Variants in USP37 observed in about 807,000 individuals in gnomAD.
USP37 encodes ubiquitin specific peptidase 37.
In USP37, 27 loss-of-function variants were observed where a neutral mutation model predicts 124.0. The ratio of observed to expected loss-of-function variants is 0.22; its 90% CI spans 0.16 to 0.30. The LOEUF (loss-of-function observed/expected upper bound fraction) is 0.30, where lower values mean the gene tolerates loss of function less well. USP37 is among the 10% of genes least tolerant of loss of function. USP37 has a pLI of 1.00. For missense variants in USP37, 889 were observed against 1,140.4 expected (o/e 0.78, Z 3.17); for synonymous variants, 365 against 388.0 (o/e 0.94, Z 0.70).
intron 11 of USP37, among the ~76,000 whole-genome samples, chr2:218,499,970 T>C (rs886852936): frequency 1.6e-4 from 24 of 152,300 alleles, no homozygotes; most frequent in African/African-American, 5.8e-4. Flanking sequence ...GATCTCACTA[T>C]GTTGCCTAGG....
At chr2:218,527,945 G>C (rs768764546) in intron 10 of USP37, among the ~76,000 whole-genome samples, 7 of 152,140 alleles carry the variant, frequency 4.6e-5, no homozygotes, top group Non-Finnish European at 8.8e-5. Flanking sequence ...ACTCACACCT[G>C]TAATCCCAGT....
At chr2:218,478,638 A>T (rs2105971877) in intron 18 of USP37, among the ~76,000 whole-genome samples, 1 of 152,326 alleles carries the variant, frequency 6.6e-6, no homozygotes, top group East Asian at 1.9e-4. Flanking sequence ...TTCTTTCTTG[A>T]AACTACAGTG....
chr2:218,455,763 C>A, intron 24 of USP37, 45 bp from the exon 25 acceptor site: 1 of 1,591,990 alleles, frequency 6.3e-7, no homozygotes, highest in South Asian at 1.1e-5. Context: ...AAAAACACAC[C>A]GAAGCTGGGC....
intron 4 of USP37, among the ~76,000 whole-genome samples, 163 bp downstream of exon 4, chr2:218,558,335 A>G (rs1251235553): frequency 3.3e-5 from 5 of 152,234 alleles, no homozygotes; most frequent in African/African-American, 1.2e-4. Flanking sequence ...ATACTGATGA[A>G]TAATTTATAA....
At chr2:218,479,288 T>C (rs1400357618) in intron 18 of USP37, among the ~76,000 whole-genome samples, 1 of 152,208 alleles carries the variant, frequency 6.6e-6, no homozygotes, top group Non-Finnish European at 1.5e-5. Context: ...TGCCTATCTT[T>C]AAGGAAGAGT....
intron 6 of USP37, 28 bp from the exon 7 acceptor site, chr2:218,547,119 A>C (rs1428668743): frequency 1.3e-6 from 2 of 1,566,640 alleles, no homozygotes; most frequent in Non-Finnish European, 1.7e-6. Context: ...GAGATAGTTA[A>C]ATCTTCAAAT....
chr2:218,512,621 C>A (rs939222037), intron 10 of USP37, among the ~76,000 whole-genome samples: 28 of 152,088 alleles, frequency 1.8e-4, no homozygotes, highest in Non-Finnish European at 5.9e-5. Flanking sequence ...AAAACAAACA[C>A]TTGTGTAAAT....
At chr2:218,567,478 C>T (rs979114665) in intron 1 of USP37, among the ~76,000 whole-genome samples, 3 of 152,162 alleles carry the variant, frequency 2.0e-5, no homozygotes, top group African/African-American at 7.2e-5. Flanking sequence ...CCAGAACTCT[C>T]CTAAGATCTC....
chr2:218,530,775 G>C (rs978408254), intron 9 of USP37, among the ~76,000 whole-genome samples: 3 of 152,190 alleles, frequency 2.0e-5, no homozygotes, highest in African/African-American at 7.2e-5. Flanking sequence ...AAGTGAACAA[G>C]TGAATTACAA....
intron 1 of USP37, among the ~76,000 whole-genome samples, chr2:218,566,684 A>G (rs1391737740): frequency 6.6e-6 from 1 of 152,244 alleles, no homozygotes; most frequent in African/African-American, 2.4e-5. Flanking sequence ...CAATAGGCTG[A>G]AAATTACTAT....
intron 10 of USP37, among the ~76,000 whole-genome samples, chr2:218,512,901 CAT>C (rs1167741689): frequency 1.3e-5 from 2 of 152,014 alleles, no homozygotes; most frequent in Non-Finnish European, 2.9e-5. Context: ...AGTACATACT[CAT>C]ATAAATTTTA....
intron 14 of USP37, among the ~76,000 whole-genome samples, chr2:218,490,355 A>AG (rs1691861988): frequency 1.3e-5 from 2 of 152,138 alleles, no homozygotes; most frequent in African/African-American, 4.8e-5. Flanking sequence ...TAAATAAATA[A>AG]TCTACATGTT....
In USP37 at chr2:218,568,169, C is replaced by G. The variant is rs1693767665; in HGVS notation, c.-230+9G>C. 6.6e-6 allele frequency: 1 copy of G among 152,502 alleles called. No homozygotes were observed. The highest frequency in any genetic ancestry group is 1.5e-5 in the Non-Finnish European group (1 of 68,252). 9.4% of individuals were successfully genotyped at this position (152,502 alleles called of 1,614,324 possible). A position where few individuals can be genotyped will look rare whatever the true frequency, so the allele number is the denominator to read the frequency against. ...GGCTCAATTGAGAAGCTACCCCGGC[C>G]CGCCTTACCTGCGCCGAGGGTCCGG... On this transcript the variant is annotated intron_variant, in intron 1 of 25. Transcript: ENST00000258399.
intron 11 of USP37, among the ~76,000 whole-genome samples, chr2:218,499,927 T>G (rs1165819556): frequency 6.6e-6 from 1 of 151,964 alleles, no homozygotes; most frequent in African/African-American, 2.4e-5. Context: ...TGTGCCACTA[T>G]GCCTGGGTAA....
chr2:218,459,241 G>C (rs953216889), intron 23 of USP37, among the ~76,000 whole-genome samples: 1 of 151,800 alleles, frequency 6.6e-6, no homozygotes, highest in African/African-American at 2.4e-5. Flanking sequence ...CGCTCTTGTT[G>C]CCCAGGCTGG....
intron 21 of USP37, 106 bp from the exon 22 acceptor site, chr2:218,463,472 C>T (rs1234371789): frequency 2.1e-5 from 17 of 821,472 alleles, no homozygotes; most frequent in Non-Finnish European, 2.5e-5. Flanking sequence ...AGAATGCTTT[C>T]TATAACCTTA....
At chr2:218,505,644 A>G (rs1478409876) in intron 11 of USP37, among the ~76,000 whole-genome samples, 1 of 152,156 alleles carries the variant, frequency 6.6e-6, no homozygotes, top group East Asian at 1.9e-4. Context: ...GATGATTTTG[A>G]GAAGTCTGAT....
At chr2:218,567,203 A>G (rs187969043) in intron 1 of USP37, among the ~76,000 whole-genome samples, 1 of 152,340 alleles carries the variant, frequency 6.6e-6, no homozygotes, top group Non-Finnish European at 1.5e-5. Context: ...GAGTACTTTT[A>G]TATCACTGGG....
chr2:218,519,003 C>T (rs1358664699), intron 10 of USP37, among the ~76,000 whole-genome samples: 3 of 152,184 alleles, frequency 2.0e-5, no homozygotes, highest in Admixed American at 1.3e-4. Context: ...CTAGAATTTG[C>T]TGCCCTTTCT....
Sources: gnomAD v4.1 joint callset for allele counts (sites outside exome capture counted in the v4.1 genomes callset) on GRCh38, gnomAD v4.1.1 for gene constraint, MANE v1.5 for transcripts, NCBI Gene and HGNC (gene_info 2026-07-23, HGNC 2026-07-21) for gene names.